Variants in PSAP observed in about 807,000 individuals in gnomAD.
PSAP encodes the protein precursor of saposins.
Under a neutral mutation model 66.0 loss-of-function variants are expected in PSAP, and 25 were observed. That is an observed-to-expected ratio of 0.38 (90% CI 0.28 to 0.53). The LOEUF is 0.53. PSAP is among the 20% of genes least tolerant of loss of function. PSAP has a pLI of 0.83. For synonymous variants in PSAP, 273 were observed against 258.9 expected (o/e 1.05, Z -0.52); for missense variants, 649 against 668.8 (o/e 0.97, Z 0.33).
At chr10:71,831,385 TTGGCCATGTTACCTA>T in intron 3 of PSAP, 134 bp from the exon 4 acceptor site, 1 of 1,151,978 alleles carries the variant, frequency 8.7e-7, no homozygotes, top group Non-Finnish European at 1.3e-6. Flanking sequence ...GGAAAAGGAC[TTGGCCATGTTACCTA>T]TGGCTCTATT....
chr10:71,851,082 G>C, intron 1 of PSAP, 100 bp downstream of exon 1: 1 of 1,392,390 alleles, frequency 7.2e-7, no homozygotes, highest in Non-Finnish European at 1.0e-6. Context: ...TTGCCAACTA[G>C]GGCAGGGGGA....
At chr10:71,848,004 G>A (rs1195066023) in intron 1 of PSAP, among the ~76,000 whole-genome samples, 1 of 152,186 alleles carries the variant, frequency 6.6e-6, no homozygotes, top group Non-Finnish European at 1.5e-5. Flanking sequence ...GCTTCAGGGA[G>A]CACCTGCCAC....
chr10:71,824,927 G>C (rs367754751), intron 7 of PSAP, among the ~76,000 whole-genome samples: 1 of 152,232 alleles, frequency 6.6e-6, no homozygotes, highest in Non-Finnish European at 1.5e-5. Flanking sequence ...ACTGTTTTTA[G>C]AACATGGTAG....
intron 1 of PSAP, among the ~76,000 whole-genome samples, chr10:71,847,576 C>T (rs926249247): frequency 6.6e-6 from 1 of 151,690 alleles, no homozygotes; most frequent in African/African-American, 2.4e-5. Context: ...TTCTCCCTTT[C>T]GGATGCCTCT....
intron 13 of PSAP, among the ~76,000 whole-genome samples, chr10:71,818,150 G>A (rs1434751496): frequency 6.6e-6 from 1 of 152,254 alleles, no homozygotes; most frequent in Non-Finnish European, 1.5e-5. Context: ...GCCAGGCCAG[G>A]CCAGGGCCAC....
chr10:71,831,720 T>G, intron 3 of PSAP, 126 bp downstream of exon 3: 1 of 925,516 alleles, frequency 1.1e-6, no homozygotes, highest in Non-Finnish European at 1.8e-6. Flanking sequence ...CCTTGATCCT[T>G]TGTGGAAGAC....
chr10:71,830,655 C>A (rs1195125293), intron 4 of PSAP, among the ~76,000 whole-genome samples: 1 of 152,214 alleles, frequency 6.6e-6, no homozygotes, highest in Admixed American at 6.5e-5. Flanking sequence ...TTCCACAAAG[C>A]TAGCTCCGTG....
In PSAP at chr10:71,828,868, TTG is replaced by T. The variant is rs1842451434; in HGVS notation, c.576+7_576+8del. ...AAATGGGTCCTCAGTGGCCAGCCCG[TTG>T]TCTTACCTTTGGCTGGGGCTTGCTG... On this transcript the variant is annotated splice_region_variant and intron_variant, in intron 5 of 13. Transcript: ENST00000394936. 6.2e-7 allele frequency: 1 copy of T among 1,613,812 alleles called. No individual in the cohort carries two copies. The highest frequency in any genetic ancestry group is 8.5e-7 in the Non-Finnish European group (1 of 1,179,962).
At chr10:71,848,002 G>A (rs1842852355) in intron 1 of PSAP, among the ~76,000 whole-genome samples, 1 of 152,166 alleles carries the variant, frequency 6.6e-6, no homozygotes. Flanking sequence ...AAGCTTCAGG[G>A]AGCACCTGCC....
At chr10:71,819,955 G>T in intron 9 of PSAP, 55 bp from the exon 10 acceptor site, 2 of 1,480,500 alleles carry the variant, frequency 1.4e-6, no homozygotes, top group East Asian at 2.3e-5. Context: ...AAGGGTTGGG[G>T]GACATTCTGA....
chr10:71,817,498 A>G (rs377037121), intron 13 of PSAP, 22 bp from the exon 14 acceptor site: 73 of 1,613,384 alleles, frequency 4.5e-5, no homozygotes, highest in Non-Finnish European at 6.0e-5. Context: ...GAGGAAGCTG[A>G]GTTTAGTCTT....
Position 71,817,234 on chromosome 10 carries a change from A to T in PSAP, c.*207T>A, listed in dbSNP as rs1842185145. On this transcript the variant is annotated 3_prime_UTR_variant, in exon 14 of 14. Coordinates refer to ENST00000394936, the MANE Select transcript of PSAP (RefSeq NM_002778.4). ...CATCAACATCCATCTAGCAGAGAGAAAAGGGGCACTGAAGCAGCTATGTCT... is the reference window on the plus strand; with the variant it reads ...CATCAACATCCATCTAGCAGAGAGATAAGGGGCACTGAAGCAGCTATGTCT... The T allele has an allele frequency of 1.5e-6, 1 of 679,036 alleles. No homozygotes were observed. The highest frequency in any genetic ancestry group is 2.6e-6 in the Non-Finnish European group (1 of 377,548). 42.1% of individuals were successfully genotyped at this position (679,036 alleles called of 1,614,324 possible).
At chr10:71,823,734 G>T (rs1436179517) in intron 7 of PSAP, among the ~76,000 whole-genome samples, 2 of 151,640 alleles carry the variant, frequency 1.3e-5, no homozygotes, top group Admixed American at 6.6e-5. Flanking sequence ...AGATGCAGAA[G>T]CCCTCCCCAG....
At chr10:71,831,745 G>T in intron 3 of PSAP, 101 bp downstream of exon 3, 1 of 1,199,258 alleles carries the variant, frequency 8.3e-7, no homozygotes. Context: ...GCCACCCTCA[G>T]GCCTACACCA....
rs1485298837 is a variant in PSAP at position 71,819,042 on chromosome 10, A to G, written c.1420T>C (p.Phe474Leu). Residue 474 changes from phenylalanine (F) to leucine (L), a missense_variant, in exon 12 of 14, where the codon TTC (phenylalanine) becomes CTC (leucine). Physicochemically the swap from Phe to Leu is conservative, Grantham distance 22. Coordinates refer to ENST00000394936, the MANE Select transcript of PSAP (RefSeq NM_002778.4). Reference protein sequence around the residue: ...EILVEVMDPSFVCLKIGACPS... With the variant: ...EILVEVMDPSLVCLKIGACPS... ...CCAGTGAGGCTCACCAAGCACACGA[A>G]GGAAGGATCCATCACCTCCACCAGG... 1 of 1,613,970 alleles carries G rather than the reference A, an allele frequency of 6.2e-7. No homozygotes were observed. Among genetic ancestry groups the G allele is most frequent in the East Asian group, 2.2e-5 (1 of 44,900 alleles).
At chr10:71,834,343 G>C (rs757269465) in intron 2 of PSAP, 29 bp downstream of exon 2, 5 of 1,612,600 alleles carry the variant, frequency 3.1e-6, no homozygotes, top group Admixed American at 1.7e-5. Flanking sequence ...GGAGTGCTGC[G>C]GCTGGGACTG....
In PSAP at chr10:71,817,747, AC is replaced by A. The variant is rs56145765; in HGVS notation, c.1540-272del. Among the ~76,000 whole-genome samples the A allele has an allele frequency of 0.2, 30,061 of 151,978 alleles. 2,995 individuals carry two copies. The highest frequency in any genetic ancestry group is 0.25 in the East Asian group (1,285 of 5,154). On this transcript the variant is annotated intron_variant, in intron 13 of 13. Transcript: ENST00000394936. ...AGTACCCACGCAGGCAGGGCTCAGG[AC>A]CCTTCATCTACCTGCACCCGGCACC... is the stretch of plus-strand genomic sequence containing the variant.
intron 6 of PSAP, among the ~76,000 whole-genome samples, chr10:71,826,256 T>C (rs1276927472): frequency 2.0e-5 from 3 of 152,212 alleles, no homozygotes; most frequent in African/African-American, 7.2e-5. Flanking sequence ...GCTTAGGAAC[T>C]GGAGCTTACC....
chr10:71,848,421 T>C (rs902133498), intron 1 of PSAP, among the ~76,000 whole-genome samples: 4 of 152,206 alleles, frequency 2.6e-5, no homozygotes, highest in African/African-American at 4.8e-5. Flanking sequence ...AAATGGTCTA[T>C]GATTTGGGAG....
Sources: gnomAD v4.1 joint callset for allele counts (sites outside exome capture counted in the v4.1 genomes callset) on GRCh38, gnomAD v4.1.1 for gene constraint, MANE v1.5 for transcripts, NCBI Gene and HGNC (gene_info 2026-07-23, HGNC 2026-07-21) for gene names.